CLCN4: variants seen among roughly 807,000 people sequenced by gnomAD.
CLCN4 encodes the protein Cl-/H+ antiporter 4.
Under a neutral mutation model 41.7 loss-of-function variants are expected in CLCN4, and 1 was observed. The observed-to-expected ratio is 0.02, with a 90% CI of 0.01 to 0.11. The LOEUF is 0.11. Ranked by LOEUF, CLCN4 falls within the 10% of genes least tolerant of loss-of-function variation. The pLI is 1.00. For missense variants in CLCN4, 287 were observed against 661.0 expected, an observed-to-expected ratio of 0.43 and a Z score of 6.20; for synonymous variants, 277 against 285.8, an observed-to-expected ratio of 0.97 and a Z score of 0.31.
intron 6 of CLCN4, among the ~76,000 whole-genome samples, chrX:10,199,145 G>A (rs1430776440): frequency 2.7e-5 from 3 of 112,559 alleles, no homozygotes; most frequent in African/African-American, 6.5e-5. Context: ...TGAAAAATAA[G>A]CTGTATTACC....
chrX:10,169,781 CTTTTCTTTTCTT>C (rs1569223422), intron 2 of CLCN4, among the ~76,000 whole-genome samples: 1 of 60,187 alleles, frequency 1.7e-5, no homozygotes. Context: ...TTTTCTTTTT[CTTTTCTTTTCTT>C]TTTTTTTTTT....
chrX:10,221,912 G>C (rs1175573729), intron 12 of CLCN4, among the ~76,000 whole-genome samples: 1 of 111,639 alleles, frequency 9.0e-6, no homozygotes, highest in East Asian at 2.8e-4. Context: ...ATGTTTGGGG[G>C]CCGGGCATGT....
intron 11 of CLCN4, among the ~76,000 whole-genome samples, chrX:10,215,808 C>T (rs1276534131): frequency 8.9e-6 from 1 of 111,936 alleles, no homozygotes; most frequent in Non-Finnish European, 1.9e-5. Context: ...TTAAGCTTAC[C>T]AACCAAGTAC....
intron 6 of CLCN4, among the ~76,000 whole-genome samples, chrX:10,201,555 T>A (rs1924238763): frequency 8.9e-6 from 1 of 111,976 alleles, no homozygotes; most frequent in South Asian, 3.7e-4. Context: ...CCCAACTAAA[T>A]ATGGAAACTG....
chrX:10,206,929 G>GTTTTTGTTTTTGT (rs1457641444), intron 8 of CLCN4, among the ~76,000 whole-genome samples, 153 bp downstream of exon 8: 5 of 108,691 alleles, frequency 4.6e-5, no homozygotes, highest in East Asian at 2.9e-4. Flanking sequence ...TTTTGTTTTT[G>GTTTTTGTTTTTGT]TTTTTTTTGA....
At chrX:10,222,402 C>T (rs919558738) in intron 12 of CLCN4, among the ~76,000 whole-genome samples, 1 of 111,472 alleles carries the variant, frequency 9.0e-6, no homozygotes, top group Non-Finnish European at 1.9e-5. Flanking sequence ...ACATTGGTAC[C>T]TAATAAAGTT....
intron 2 of CLCN4, among the ~76,000 whole-genome samples, chrX:10,159,850 T>C (rs1923048296): frequency 9.0e-6 from 1 of 111,375 alleles, no homozygotes; most frequent in Admixed American, 9.5e-5. Flanking sequence ...TAGAGGTGGA[T>C]CTAATACAGA....
At chrX:10,221,737 T>TA (rs891513988) in intron 12 of CLCN4, among the ~76,000 whole-genome samples, 4 of 112,328 alleles carry the variant, frequency 3.6e-5, no homozygotes, top group Non-Finnish European at 7.5e-5. Context: ...CACTTCATCT[T>TA]AAAAAGGCCT....
rs776994137 is a variant in CLCN4, at chrX:10,187,492, T to C, written c.145-23T>C. 5 of 1,117,650 alleles carry C rather than the reference T, an allele frequency of 4.5e-6. No homozygotes were observed. The African/African-American group carries it at 9.0e-5, about 20-fold the overall frequency. The allele number at this position is 1,117,650 out of a possible 1,213,427, so 92.1% of individuals were successfully genotyped here. A position where few individuals can be genotyped will look rare whatever the true frequency, so the allele number is the denominator to read the frequency against. On this transcript the variant is annotated intron_variant, in intron 3 of 12. Coordinates refer to ENST00000380833, the MANE Select transcript of CLCN4 (RefSeq NM_001830.4). Reference sequence around the variant, plus strand: ...GAATTCGAAAATGCATTCGGATCAGTTGCTGTATCTGCTTTGTTCTAGATC... The same window carrying C: ...GAATTCGAAAATGCATTCGGATCAGCTGCTGTATCTGCTTTGTTCTAGATC...
intron 2 of CLCN4, among the ~76,000 whole-genome samples, chrX:10,171,259 G>C (rs1185189575): frequency 1.8e-5 from 2 of 112,167 alleles, no homozygotes; most frequent in Non-Finnish European, 3.8e-5. Flanking sequence ...TTCTTTTATG[G>C]ATTGTGTTTT....
At chrX:10,169,786 C>CT (rs199886653) in intron 2 of CLCN4, among the ~76,000 whole-genome samples, 1 of 51,013 alleles carries the variant, frequency 2.0e-5, no homozygotes, top group African/African-American at 1.3e-4. Flanking sequence ...TTTTTCTTTT[C>CT]TTTTCTTTTT....
intron 6 of CLCN4, among the ~76,000 whole-genome samples, chrX:10,206,106 C>T (rs1316329527): frequency 8.9e-6 from 1 of 111,972 alleles, no homozygotes; most frequent in Non-Finnish European, 1.9e-5. Context: ...CAAGTGAGAC[C>T]TTGTTAATGA....
chrX:10,230,751 C>T (rs1369560508), intron 12 of CLCN4, among the ~76,000 whole-genome samples: 1 of 112,111 alleles, frequency 8.9e-6, no homozygotes, highest in Non-Finnish European at 1.9e-5. Context: ...GCAGAGTTCT[C>T]ATATATCCCC....
intron 11 of CLCN4, among the ~76,000 whole-genome samples, chrX:10,220,099 G>A (rs772885068): frequency 2.2e-4 from 25 of 111,583 alleles, no homozygotes; most frequent in Admixed American, 5.7e-4. Flanking sequence ...GCTTTTCTGG[G>A]GTTGTTTCTT....
chrX:10,212,860 A>C (rs868531465), intron 10 of CLCN4, among the ~76,000 whole-genome samples: 1 of 76,209 alleles, frequency 1.3e-5, no homozygotes, highest in African/African-American at 6.1e-5. Flanking sequence ...CACACACACA[A>C]ACAGATGCCC....
Position 10,237,549 on chromosome X carries a change from T to G in CLCN4, c.*3965T>G, listed in dbSNP as rs747613533. The G allele has an allele frequency of 2.1e-4, 14 of 66,198 alleles. No homozygotes were observed. The highest frequency in any genetic ancestry group is 1.3e-3 in the South Asian group (2 of 1,519). 5.5% of individuals were successfully genotyped at this position (66,198 alleles called of 1,213,427 possible). ...GAACGACCACATAGCAACGTGTTGG[T>G]TTTTTTTTATTGTAACACTCTGTGT... On this transcript the variant is annotated 3_prime_UTR_variant, in exon 13 of 13. Transcript: ENST00000380833.
At chrX:10,179,509 A>G (rs747641132) in intron 2 of CLCN4, among the ~76,000 whole-genome samples, 2 of 111,398 alleles carry the variant, frequency 1.8e-5, no homozygotes, top group African/African-American at 3.3e-5. Context: ...AATGTCAGGC[A>G]TAGATTCATG....
At chrX:10,165,077 C>T (rs756197479) in intron 2 of CLCN4, among the ~76,000 whole-genome samples, 7 of 112,899 alleles carry the variant, frequency 6.2e-5, no homozygotes, top group Non-Finnish European at 5.6e-5. Context: ...CTGTCACGTG[C>T]GCTTCTGCGG....
At chrX:10,228,932 G>A (rs1220025044) in intron 12 of CLCN4, among the ~76,000 whole-genome samples, 1 of 111,777 alleles carries the variant, frequency 8.9e-6, no homozygotes, top group Non-Finnish European at 1.9e-5. Context: ...AGACATTTTG[G>A]TTGCCATAAT....
Sources: allele counts gnomAD v4.1 joint callset (sites outside exome capture counted in the v4.1 genomes callset), GRCh38; gene constraint gnomAD v4.1.1; transcripts MANE v1.5; gene names NCBI Gene and HGNC (gene_info 2026-07-23, HGNC 2026-07-21).